Variants in SCCPDH observed in about 807,000 individuals in gnomAD.
The protein encoded by SCCPDH is saccharopine dehydrogenase-like oxidoreductase.
SCCPDH carries 34 observed loss-of-function variants against 51.5 expected under a neutral mutation model. That is an observed-to-expected ratio of 0.66 (90% CI 0.50 to 0.88). The LOEUF is 0.88. Among genes scored for constraint, SCCPDH ranks in the 40% least tolerant of loss-of-function variants. The probability of loss-of-function intolerance (pLI) is 0.00; values close to 1 mark genes in which losing one functional copy is unlikely to be tolerated. For missense variants in SCCPDH, 464 were observed against 527.1 expected, an observed-to-expected ratio of 0.88 and a Z score of 1.17; for synonymous variants, 187 against 191.3, an observed-to-expected ratio of 0.98 and a Z score of 0.19.
intron 9 of SCCPDH, among the ~76,000 whole-genome samples, chr1:246,762,356 CGTG>C (rs1239103838): frequency 6.6e-6 from 1 of 152,150 alleles, no homozygotes; most frequent in East Asian, 1.9e-4. Flanking sequence ...GCTTCTGTCT[CGTG>C]GTTGGTAGTG....
At chr1:246,735,014 A>G (rs976026250) in intron 2 of SCCPDH, among the ~76,000 whole-genome samples, 2 of 152,204 alleles carry the variant, frequency 1.3e-5, no homozygotes, top group South Asian at 4.1e-4. Flanking sequence ...TTTGACCAAT[A>G]ATACCACTGG....
At chr1:246,749,221 C>T (rs921700843) in intron 5 of SCCPDH, among the ~76,000 whole-genome samples, 1 of 152,192 alleles carries the variant, frequency 6.6e-6, no homozygotes. Context: ...ATCTGGCCTG[C>T]CTGTTGCACA....
In SCCPDH at chr1:246,739,260, T is replaced by C. The variant is rs1009290752; in HGVS notation, c.385-912T>C. Among the ~76,000 whole-genome samples the C allele has an allele frequency of 3.9e-5, 6 of 152,302 alleles. 1 individual carries two copies. Among genetic ancestry groups the C allele is most frequent in the African/African-American group, 1.4e-4 (6 of 41,564 alleles). On this transcript the variant is annotated intron_variant, in intron 3 of 11. Transcript: ENST00000366510. The stretch of plus-strand genomic sequence containing the variant: ...TAACCCTGGTAAATCATGTTGACAG[T>C]GCGTAGCCCCGATGTGATATGATAT...
rs138296244 is a variant in SCCPDH at position 246,730,733 on chromosome 1, A to G, written c.303+3729A>G. Among the ~76,000 whole-genome samples, 20 of 152,310 alleles carry G rather than the reference A, an allele frequency of 1.3e-4. No homozygotes were observed. In the East Asian group the frequency reaches 3.9e-3, roughly 29 times the overall value. On this transcript the variant is annotated intron_variant, in intron 2 of 11. Transcript: ENST00000366510. Reference sequence around the variant, plus strand: ...GATCATTCTGCGCTTCCCTTAGGGGAAGACTACTTGGGAGACCACTGGGTT... The same window carrying G: ...GATCATTCTGCGCTTCCCTTAGGGGGAGACTACTTGGGAGACCACTGGGTT...
intron 3 of SCCPDH, 81 bp downstream of exon 3, chr1:246,736,136 G>T: frequency 2.2e-6 from 2 of 925,958 alleles, no homozygotes; most frequent in Non-Finnish European, 1.7e-6. Context: ...GTGTAATTTT[G>T]CAGACATATT....
chr1:246,734,215 G>T (rs1238859147), intron 2 of SCCPDH, among the ~76,000 whole-genome samples: 1 of 152,142 alleles, frequency 6.6e-6, no homozygotes, highest in Admixed American at 6.5e-5. Flanking sequence ...TAAGAACAAG[G>T]CCGAGAAAGC....
chr1:246,763,750 A>AT (rs1669051414), intron 9 of SCCPDH, among the ~76,000 whole-genome samples: 1 of 152,224 alleles, frequency 6.6e-6, no homozygotes, highest in Non-Finnish European at 1.5e-5. Context: ...CTTCATAAAA[A>AT]TGTGTTGATC....
intron 1 of SCCPDH, 131 bp from the exon 2 acceptor site, chr1:246,726,761 A>G: frequency 1.6e-6 from 1 of 643,902 alleles, no homozygotes; most frequent in Non-Finnish European, 2.7e-6. Context: ...TCTTTTGTCT[A>G]AGCAGGAGAG....
rs753029388 is a variant in SCCPDH at position 246,744,103 on chromosome 1, TGACTATACATTCAG to T, written c.546_559del (p.Ile183Ter). ...ACTTTGACTGCTGTGGAAAGTTTCC[TGACTATACATTCAG>T]GACCTGAGGTTGGTTTTTTGGTTTG... On this transcript the variant is annotated frameshift_variant, in exon 5 of 12. Transcript: ENST00000366510. LOFTEE classifies it high-confidence loss of function. 1.9e-6 allele frequency: 3 copies of T among 1,603,732 alleles called. No individual in the cohort carries two copies. The highest frequency in any genetic ancestry group is 2.6e-6 in the Non-Finnish European group (3 of 1,172,422).
At position 246,729,854 on chromosome 1, in the gene SCCPDH, A is replaced by G. The variant is rs548469257; in HGVS notation, c.303+2850A>G. Among the ~76,000 whole-genome samples, 52 of 151,764 alleles carry G rather than the reference A, an allele frequency of 3.4e-4. No homozygotes were observed. In the East Asian group the frequency reaches 9.6e-3, roughly 28 times the overall value. On this transcript the variant is annotated intron_variant, in intron 2 of 11. Coordinates refer to ENST00000366510, the MANE Select transcript of SCCPDH (RefSeq NM_016002.3). ...TATAAAAGTATTAATTTGGGGAACT[A>G]ATAAATGTCCATGAAATCTTCACAG...
intron 5 of SCCPDH, among the ~76,000 whole-genome samples, chr1:246,754,956 C>G (rs1008407285): frequency 6.6e-6 from 1 of 151,648 alleles, no homozygotes; most frequent in African/African-American, 2.4e-5. Flanking sequence ...TTTTATTGTT[C>G]CTGGATATGA....
At chr1:246,732,325 A>T (rs370582116) in intron 2 of SCCPDH, among the ~76,000 whole-genome samples, 33 of 152,252 alleles carry the variant, frequency 2.2e-4, no homozygotes, top group African/African-American at 7.5e-4. Context: ...ATTTGAGATA[A>T]TTTTAGGAAA....
intron 2 of SCCPDH, among the ~76,000 whole-genome samples, chr1:246,728,192 G>A (rs1241183633): frequency 2.6e-5 from 4 of 152,152 alleles, no homozygotes; most frequent in Non-Finnish European, 5.9e-5. Context: ...ATCTGAAGAA[G>A]CCATCACAGT....
intron 9 of SCCPDH, among the ~76,000 whole-genome samples, chr1:246,762,841 CAAAA>C (rs35066232): frequency 9.9e-5 from 9 of 90,926 alleles, no homozygotes; most frequent in Non-Finnish European, 6.7e-5. Context: ...ATTCCTTCTC[CAAAA>C]AAAAAAAAAA....
Position 246,742,145 on chromosome 1 carries a change from C to G in SCCPDH, c.514+1844C>G, listed in dbSNP as rs563703578. On this transcript the variant is annotated intron_variant, in intron 4 of 11. Coordinates refer to ENST00000366510, the MANE Select transcript of SCCPDH (RefSeq NM_016002.3). Reference sequence around the variant, plus strand: ...ATCATACTTAATGAATGGTGAAACACTAGAACCATTCCAATTAAAAAGTGA... The same window carrying G: ...ATCATACTTAATGAATGGTGAAACAGTAGAACCATTCCAATTAAAAAGTGA... 5.9e-5 allele frequency among the ~76,000 whole-genome samples: 9 copies of G among 152,290 alleles called. No individual in the cohort carries two copies. The East Asian group carries it at 1.7e-3, about 29-fold the overall frequency.
In SCCPDH at chr1:246,766,270, T is replaced by C. The variant is rs1040299445; in HGVS notation, c.1184+131T>C. The C allele has an allele frequency of 2.9e-5, 19 of 652,566 alleles. No individual in the cohort carries two copies. In the African/African-American group the frequency reaches 3.3e-4, roughly 11 times the overall value. 40.4% of individuals were successfully genotyped at this position (652,566 alleles called of 1,614,324 possible). A position where few individuals can be genotyped will look rare whatever the true frequency, so the allele number is the denominator to read the frequency against. ...GTTCAGTTCCTTTGCTTCAAAAATA[T>C]AGGTAAATTAAAACTGTGAGAAGGA... On this transcript the variant is annotated intron_variant, in intron 11 of 11. Transcript: ENST00000366510.
intron 1 of SCCPDH, among the ~76,000 whole-genome samples, chr1:246,726,188 A>G (rs35570407): frequency 0.16 from 24,103 of 152,094 alleles, 2,682 homozygotes; most frequent in African/African-American, 0.3. Flanking sequence ...GTCAGTCCGA[A>G]ACTCTCCATC....
At position 246,730,884 on chromosome 1, in the gene SCCPDH, C is replaced by T. The variant is rs572472209; in HGVS notation, c.303+3880C>T. The stretch of plus-strand genomic sequence containing the variant: ...GACCAGCCTGGCCAACATGGTGAAA[C>T]CCTGTCTCTACTAAAAATACAAAAA... On this transcript the variant is annotated intron_variant, in intron 2 of 11. Coordinates refer to ENST00000366510, the MANE Select transcript of SCCPDH (RefSeq NM_016002.3). 2.0e-5 allele frequency among the ~76,000 whole-genome samples: 3 copies of T among 152,166 alleles called. No homozygotes were observed. In the South Asian group the frequency reaches 6.2e-4, roughly 32 times the overall value.
chr1:246,725,536 A>G (rs990796422), intron 1 of SCCPDH, among the ~76,000 whole-genome samples: 1 of 152,168 alleles, frequency 6.6e-6, no homozygotes, highest in Non-Finnish European at 1.5e-5. Flanking sequence ...TGGAAATACT[A>G]CATTCTTTCT....
Sources: allele counts gnomAD v4.1 joint callset (sites outside exome capture counted in the v4.1 genomes callset), GRCh38; gene constraint gnomAD v4.1.1; transcripts MANE v1.5; gene names NCBI Gene and HGNC (gene_info 2026-07-23, HGNC 2026-07-21).